Variants in RALGAPA2 observed in about 807,000 individuals in gnomAD.
The protein encoded by RALGAPA2 is Ral GTPase activating protein catalytic subunit alpha 2.
Under a neutral mutation model 230.4 loss-of-function variants are expected in RALGAPA2, and 139 were observed. That is an observed-to-expected ratio of 0.60 (90% CI 0.53 to 0.69). RALGAPA2 has a LOEUF of 0.69. Ranked by LOEUF, RALGAPA2 falls within the 30% of genes least tolerant of loss-of-function variation. RALGAPA2 has a pLI of 0.00. For synonymous variants in RALGAPA2, 847 were observed against 837.8 expected, an observed-to-expected ratio of 1.01 and a Z score of -0.19; for missense variants, 2,163 against 2,276.0, an observed-to-expected ratio of 0.95 and a Z score of 1.01.
intron 24 of RALGAPA2, among the ~76,000 whole-genome samples, chr20:20,543,456 A>C (rs1486736607): frequency 3.3e-5 from 5 of 152,206 alleles, no homozygotes; most frequent in Admixed American, 2.0e-4. Flanking sequence ...CACTATTCAC[A>C]ATAGCAAAGA....
intron 1 of RALGAPA2, among the ~76,000 whole-genome samples, chr20:20,691,685 T>G (rs1440683358): frequency 6.6e-6 from 1 of 152,196 alleles, no homozygotes; most frequent in African/African-American, 2.4e-5. Context: ...GATACCCATG[T>G]AATCTGTGTC....
At chr20:20,657,814 A>T (rs767324797) in intron 3 of RALGAPA2, among the ~76,000 whole-genome samples, 1 of 152,202 alleles carries the variant, frequency 6.6e-6, no homozygotes, top group African/African-American at 2.4e-5. Context: ...AAATGCTGAG[A>T]AAAGTAAAGA....
At chr20:20,583,742 C>T (rs977133062) in intron 19 of RALGAPA2, among the ~76,000 whole-genome samples, 1 of 152,160 alleles carries the variant, frequency 6.6e-6, no homozygotes, top group Non-Finnish European at 1.5e-5. Flanking sequence ...AACAGAAATT[C>T]TCCCCTTTAA....
chr20:20,613,260 A>G (rs2066029157), intron 13 of RALGAPA2, among the ~76,000 whole-genome samples: 1 of 152,216 alleles, frequency 6.6e-6, no homozygotes, highest in Non-Finnish European at 1.5e-5. Context: ...CTTCTGTTGG[A>G]GCACATGGAA....
Position 20,584,883 on chromosome 20 carries a change from A to G in RALGAPA2, c.2512T>C (p.Cys838Arg), listed in dbSNP as rs763904996. The G allele has an allele frequency of 1.2e-6, 2 of 1,610,632 alleles. No homozygotes were observed. The highest frequency in any genetic ancestry group is 8.5e-7 in the Non-Finnish European group (1 of 1,177,494). The change falls in exon 19 of 40, where the codon TGT (cysteine) becomes CGT (arginine). Residue 838 changes from cysteine (C) to arginine (R), a missense_variant. Cys to Arg is a radical substitution (Grantham distance 180). Transcript: ENST00000202677. ...KDDLQQTQGK[C>R]RERQKSESTN... is the part of the protein sequence containing the mutation. ...AACTTACTCTTCTGTCTTTCCCTAC[A>G]TTTTCCTTGTGTCTGCTGCAAATCA...
chr20:20,660,524 T>A (rs1460775359), intron 3 of RALGAPA2, among the ~76,000 whole-genome samples: 2 of 144,386 alleles, frequency 1.4e-5, no homozygotes, highest in African/African-American at 5.0e-5. Flanking sequence ...ACAGGCCTGT[T>A]TTTTTTTTTT....
Position 20,680,702 on chromosome 20 carries a change from A to C in RALGAPA2, c.206T>G (p.Leu69Trp). The change falls in exon 2 of 40, where the codon TTG becomes TGG. Residue 69 changes from leucine (L) to tryptophan (W), a missense_variant. By Grantham distance (61) the Leu-to-Trp change is moderately conservative. Coordinates refer to ENST00000202677, the MANE Select transcript of RALGAPA2 (RefSeq NM_020343.4). ...ACTGAAATGCTTACCTTTTAATTTCAAACTATTTTCCAGTGCTATAAAATT... is the reference window on the plus strand; with the variant it reads ...ACTGAAATGCTTACCTTTTAATTTCCAACTATTTTCCAGTGCTATAAAATT... Reference protein sequence around the residue: ...YENFIALENSLKLKGNNKSQR... With the variant: ...YENFIALENSWKLKGNNKSQR... 6.4e-7 allele frequency: 1 copy of C among 1,554,266 alleles called. No homozygotes were observed. Among genetic ancestry groups the C allele is most frequent in the Admixed American group, 2.3e-5 (1 of 43,862 alleles).
chr20:20,470,788 ATTTGT>A (rs2123378457), intron 37 of RALGAPA2: 1 of 152,054 alleles, frequency 6.6e-6, no homozygotes, highest in East Asian at 1.9e-4. Flanking sequence ...TTTCCATTTT[ATTTGT>A]TTTCTCTTAT....
intron 31 of RALGAPA2, among the ~76,000 whole-genome samples, chr20:20,515,231 T>C (rs930283773): frequency 6.6e-6 from 1 of 152,194 alleles, no homozygotes; most frequent in Non-Finnish European, 1.5e-5. Context: ...TACTGGCTTG[T>C]AGGTCAAATC....
chr20:20,564,164 C>G (rs2064341613), intron 23 of RALGAPA2, among the ~76,000 whole-genome samples: 2 of 152,352 alleles, frequency 1.3e-5, no homozygotes, highest in South Asian at 4.1e-4. Flanking sequence ...AGGCTCTCTA[C>G]AGTGCTGCCT....
intron 37 of RALGAPA2, among the ~76,000 whole-genome samples, chr20:20,451,014 TCAAA>T (rs1268901039): frequency 6.6e-6 from 1 of 152,174 alleles, no homozygotes; most frequent in Non-Finnish European, 1.5e-5. Flanking sequence ...AACATAGCTC[TCAAA>T]CTCAAGGCAG....
intron 23 of RALGAPA2, among the ~76,000 whole-genome samples, chr20:20,562,073 T>A (rs1290308391): frequency 6.6e-6 from 1 of 152,222 alleles, no homozygotes; most frequent in Admixed American, 6.6e-5. Flanking sequence ...GCCTTGAAAC[T>A]GATAGTTGGA....
rs2123028491 is a variant in RALGAPA2 at position 20,437,477 on chromosome 20, G to A, written c.5496-25329C>T. 6.6e-6 allele frequency among the ~76,000 whole-genome samples: 1 copy of A among 152,310 alleles called. No homozygotes were observed. Among genetic ancestry groups the A allele is most frequent in the South Asian group, 2.1e-4 (1 of 4,826 alleles). On this transcript the variant is annotated intron_variant, in intron 37 of 39. Transcript: ENST00000202677. This position sits in a 1 kb window ranked among gnomAD's most constrained non-coding sequence, Gnocchi z 4.1. The stretch of plus-strand genomic sequence containing the variant: ...CCGTCCTCCGTTCAGCCTTCAGATG[G>A]CTCCCACCTCACAGGAAAAGCGGAA...
chr20:20,624,008 C>T (rs1422182717), intron 10 of RALGAPA2, among the ~76,000 whole-genome samples: 1 of 152,080 alleles, frequency 6.6e-6, no homozygotes, highest in East Asian at 1.9e-4. Flanking sequence ...GATCATTATA[C>T]CCAGCTAAGC....
At chr20:20,549,266 G>A (rs1280221402) in intron 23 of RALGAPA2, among the ~76,000 whole-genome samples, 2 of 152,052 alleles carry the variant, frequency 1.3e-5, no homozygotes, top group Non-Finnish European at 2.9e-5. Flanking sequence ...TGTAAAATGG[G>A]GCATTCAAAA....
chr20:20,644,547 T>C (rs1051806439), intron 4 of RALGAPA2, among the ~76,000 whole-genome samples: 1 of 152,212 alleles, frequency 6.6e-6, no homozygotes, highest in African/African-American at 2.4e-5. Context: ...AGGAACCTTT[T>C]AGAACGATTC....
intron 26 of RALGAPA2, among the ~76,000 whole-genome samples, chr20:20,532,138 CATAA>C (rs1381011167): frequency 6.6e-6 from 1 of 152,110 alleles, no homozygotes; most frequent in Non-Finnish European, 1.5e-5. Flanking sequence ...GAATAAGAAA[CATAA>C]ATCTGAGAAA....
At chr20:20,464,720 T>C (rs575427106) in intron 37 of RALGAPA2, among the ~76,000 whole-genome samples, 1 of 152,346 alleles carries the variant, frequency 6.6e-6, no homozygotes, top group South Asian at 2.1e-4. Context: ...AAGATTTCCA[T>C]ATAAATGTGC....
chr20:20,398,680 G>A lies in RALGAPA2; in HGVS notation c.5618-1946C>T, dbSNP rs2059768391. Among the ~76,000 whole-genome samples, 1 of 152,084 alleles carries A rather than the reference G, an allele frequency of 6.6e-6. No homozygotes were observed. Among genetic ancestry groups the A allele is most frequent in the Non-Finnish European group, 1.5e-5 (1 of 68,004 alleles). On this transcript the variant is annotated intron_variant, in intron 38 of 39. Coordinates refer to ENST00000202677, the MANE Select transcript of RALGAPA2 (RefSeq NM_020343.4). The surrounding 1 kb of genome is among the most constrained non-coding windows in gnomAD (Gnocchi z 4.5). ...GCAATGTGCTCGGAGATGGGGGGTGGGAAGAGGCCAGGAGGGACCTGACGT... is the reference window on the plus strand; with the variant it reads ...GCAATGTGCTCGGAGATGGGGGGTGAGAAGAGGCCAGGAGGGACCTGACGT...
Sources: gnomAD v4.1 joint callset for allele counts (sites outside exome capture counted in the v4.1 genomes callset) on GRCh38, gnomAD v4.1.1 for gene constraint, Gnocchi (gnomAD v3.1) non-coding constraint, MANE v1.5 for transcripts, NCBI Gene and HGNC (gene_info 2026-07-23, HGNC 2026-07-21) for gene names.